DENND5B: variants seen among roughly 807,000 people sequenced by gnomAD.
DENND5B encodes the protein DENN domain containing 5B.
DENND5B carries 34 observed loss-of-function variants against 140.6 expected under a neutral mutation model. That is an observed-to-expected ratio of 0.24 (90% CI 0.18 to 0.32). DENND5B has a LOEUF of 0.32. DENND5B is among the 10% of genes least tolerant of loss of function. The pLI is 1.00. For synonymous variants in DENND5B, 551 were observed against 562.1 expected, an observed-to-expected ratio of 0.98 and a Z score of 0.28; for missense variants, 1,142 against 1,560.2, an observed-to-expected ratio of 0.73 and a Z score of 4.52.
Position 31,385,492 on chromosome 12 carries a change from G to A in DENND5B, c.*2111C>T, listed in dbSNP as rs547504291. On this transcript the variant is annotated 3_prime_UTR_variant, in exon 21 of 21. Transcript: ENST00000389082. ...TATGAAGATACAAACATGAAATCCT[G>A]GGTTGGACCCCTCTATAGTTTCTGA... 1 of 152,224 alleles carries A rather than the reference G, an allele frequency of 6.6e-6. No homozygotes were observed. Among genetic ancestry groups the A allele is most frequent in the South Asian group, 2.1e-4 (1 of 4,808 alleles). 9.4% of individuals were successfully genotyped at this position (152,224 alleles called of 1,614,324 possible).
At chr12:31,440,342 C>A (rs1016591521) in intron 7 of DENND5B, among the ~76,000 whole-genome samples, 2 of 152,044 alleles carry the variant, frequency 1.3e-5, no homozygotes, top group Admixed American at 6.6e-5. Context: ...CACCAGGCCT[C>A]GCATCTTAGC....
chr12:31,553,362 G>C (rs1455093698), intron 1 of DENND5B, among the ~76,000 whole-genome samples: 1 of 152,188 alleles, frequency 6.6e-6, no homozygotes, highest in Admixed American at 6.5e-5. Context: ...TTTCCATGTA[G>C]TTGAGTGTTT....
intron 1 of DENND5B, among the ~76,000 whole-genome samples, chr12:31,583,627 G>A (rs770806974): frequency 1.3e-5 from 2 of 152,050 alleles, no homozygotes; most frequent in Admixed American, 1.3e-4. Context: ...GCAGTGAGCC[G>A]AGATCACGCT....
intron 1 of DENND5B, among the ~76,000 whole-genome samples, chr12:31,537,796 T>C (rs886832882): frequency 2.6e-5 from 4 of 152,074 alleles, no homozygotes; most frequent in African/African-American, 9.7e-5. Context: ...GAAAAACACA[T>C]TCCATGACAA....
intron 3 of DENND5B, among the ~76,000 whole-genome samples, chr12:31,462,965 A>C (rs1296259302): frequency 6.6e-6 from 1 of 151,764 alleles, no homozygotes; most frequent in Non-Finnish European, 1.5e-5. Context: ...TCAGAAAAAA[A>C]AACAAAAAAC....
intron 13 of DENND5B, among the ~76,000 whole-genome samples, chr12:31,411,563 T>C (rs957102046): frequency 1.3e-5 from 2 of 151,786 alleles, no homozygotes; most frequent in African/African-American, 4.8e-5. Flanking sequence ...CAGGATGGTC[T>C]CGATCTCCTG....
chr12:31,442,932 ATTAAAT>A lies in DENND5B; in HGVS notation c.1862-13_1862-8del, dbSNP rs1171188449. The A allele has an allele frequency of 6.5e-7, 1 of 1,549,008 alleles. No individual in the cohort carries two copies. The highest frequency in any genetic ancestry group is 2.0e-5 in the Admixed American group (1 of 50,260). On this transcript the variant is annotated splice_polypyrimidine_tract_variant and splice_region_variant and intron_variant, in intron 6 of 20. Coordinates refer to ENST00000389082, the MANE Select transcript of DENND5B (RefSeq NM_144973.4). ...CTCTGCTCAATTGATTGGGCTATAA[ATTAAAT>A]TTATAATAAATTAGAGACATTTCAT...
chr12:31,392,847 T>C (rs1388279360), intron 17 of DENND5B, among the ~76,000 whole-genome samples, 151 bp from the exon 18 acceptor site: 1 of 152,216 alleles, frequency 6.6e-6, no homozygotes, highest in Non-Finnish European at 1.5e-5. Context: ...TCTGGCCTGT[T>C]TGGCCAAGTG....
At chr12:31,529,633 C>T (rs1391155936) in intron 1 of DENND5B, among the ~76,000 whole-genome samples, 1 of 151,364 alleles carries the variant, frequency 6.6e-6, no homozygotes, top group Non-Finnish European at 1.5e-5. Context: ...GAAACCAGCC[C>T]GGGCAACATG....
Position 31,479,856 on chromosome 12 carries a change from T to C in DENND5B, c.637A>G (p.Lys213Glu), listed in dbSNP as rs1945988009. 6.2e-7 allele frequency: 1 copy of C among 1,613,850 alleles called. No individual in the cohort carries two copies. Among genetic ancestry groups the C allele is most frequent in the South Asian group, 1.1e-5 (1 of 91,076 alleles). ...GGTGGCTGCTGTGAGGTAACAGCCT[T>C]GTAAAGCTGGATAAGGAATTTCTTG... Reference protein sequence around the residue: ...ACKKFLIQLYKAVTSQQPPPL... With the variant: ...ACKKFLIQLYEAVTSQQPPPL... Residue 213 changes from lysine to glutamate, a missense_variant, in exon 3 of 21, where the codon AAG (lysine) becomes GAG (glutamate). By Grantham distance (56) the Lys-to-Glu change is moderately conservative. Around this residue, in one of 5 missense-constraint regions of DENND5B, gnomAD observed 708 missense variants for 905.5 expected, o/e 0.78. Transcript: ENST00000389082.
At chr12:31,494,231 TAC>T in intron 2 of DENND5B, among the ~76,000 whole-genome samples, 1 of 124,126 alleles carries the variant, frequency 8.1e-6, no homozygotes, top group African/African-American at 2.9e-5. Context: ...TCTACCTACC[TAC>T]CTACCTACCT....
At chr12:31,476,118 T>A (rs1945794799) in intron 3 of DENND5B, among the ~76,000 whole-genome samples, 1 of 150,708 alleles carries the variant, frequency 6.6e-6, no homozygotes, top group Admixed American at 6.6e-5. Context: ...AGAGCAAGAC[T>A]CCGTCTCAAT....
At chr12:31,502,446 T>C (rs563735779) in intron 1 of DENND5B, among the ~76,000 whole-genome samples, 5 of 152,258 alleles carry the variant, frequency 3.3e-5, no homozygotes, top group Non-Finnish European at 5.9e-5. Flanking sequence ...TCAATAATAT[T>C]CCTAAGCATA....
chr12:31,472,239 T>A (rs558599262), intron 3 of DENND5B, among the ~76,000 whole-genome samples: 3 of 152,254 alleles, frequency 2.0e-5, no homozygotes, highest in African/African-American at 7.2e-5. Context: ...AGGGTGGAAA[T>A]TTTTAAGTGT....
chr12:31,531,847 A>C (rs1051648364), intron 1 of DENND5B, among the ~76,000 whole-genome samples: 2 of 152,334 alleles, frequency 1.3e-5, no homozygotes, highest in Non-Finnish European at 2.9e-5. Flanking sequence ...CTGGCCTAGA[A>C]GTAAAATCAG....
chr12:31,534,697 A>C, intron 1 of DENND5B: 2 of 271,812 alleles, frequency 7.4e-6, no homozygotes, highest in Admixed American at 8.1e-5. Flanking sequence ...TAGACACCTA[A>C]AATTACTAGA....
At chr12:31,464,839 A>G (rs978672172) in intron 3 of DENND5B, among the ~76,000 whole-genome samples, 2 of 152,174 alleles carry the variant, frequency 1.3e-5, no homozygotes, top group Non-Finnish European at 2.9e-5. Flanking sequence ...TGCTGAGATT[A>G]CAGGCATGAG....
chr12:31,535,073 C>CAAAA (rs747166398), intron 1 of DENND5B: 25 of 95,920 alleles, frequency 2.6e-4, no homozygotes, highest in South Asian at 4.9e-4. Context: ...GACTCTGTCT[C>CAAAA]AAAAAAAAAA....
intron 1 of DENND5B, among the ~76,000 whole-genome samples, chr12:31,562,867 G>T (rs1252033513): frequency 6.6e-6 from 1 of 151,656 alleles, no homozygotes; most frequent in Admixed American, 6.6e-5. Flanking sequence ...AACAAAACCA[G>T]GTGACTTGTA....
Sources: allele counts gnomAD v4.1 joint callset (sites outside exome capture counted in the v4.1 genomes callset), GRCh38; gene constraint gnomAD v4.1.1; regional missense constraint gnomAD v4.1.1; transcripts MANE v1.5; gene names NCBI Gene and HGNC (gene_info 2026-07-23, HGNC 2026-07-21).